Variants in YEATS2 observed in about 807,000 individuals in gnomAD.
YEATS2 encodes the protein YEATS domain containing 2.
Under a neutral mutation model 163.2 loss-of-function variants are expected in YEATS2, and 77 were observed. The ratio of observed to expected loss-of-function variants is 0.47; its 90% CI spans 0.39 to 0.57. The LOEUF (loss-of-function observed/expected upper bound fraction) is 0.57, where lower values mean the gene tolerates loss of function less well. Among genes scored for constraint, YEATS2 ranks in the 20% least tolerant of loss-of-function variants. The pLI is 0.00. For missense variants in YEATS2, 1,549 were observed against 1,729.8 expected (o/e 0.90, Z 1.85); for synonymous variants, 631 against 645.1 (o/e 0.98, Z 0.33).
At chr3:183,753,457 A>G (rs1469548116) in intron 10 of YEATS2, among the ~76,000 whole-genome samples, 5 of 152,232 alleles carry the variant, frequency 3.3e-5, no homozygotes, top group African/African-American at 4.8e-5. Flanking sequence ...TTAATAAGAT[A>G]CAAGAGGGGC....
At chr3:183,765,162 T>A (rs776119311) in intron 15 of YEATS2, among the ~76,000 whole-genome samples, 12 of 152,168 alleles carry the variant, frequency 7.9e-5, no homozygotes, top group African/African-American at 1.2e-4. Context: ...CCAAAATCCC[T>A]TAGTAAATCA....
At chr3:183,741,893 T>C (rs958013338) in intron 8 of YEATS2, among the ~76,000 whole-genome samples, 2 of 151,944 alleles carry the variant, frequency 1.3e-5, no homozygotes, top group African/African-American at 2.4e-5. Flanking sequence ...AATTTCAACA[T>C]TCAAGTCTTA....
At chr3:183,809,263 C>T (rs1726550059) in intron 30 of YEATS2, 93 bp downstream of exon 30, 1 of 1,286,598 alleles carries the variant, frequency 7.8e-7, no homozygotes, top group African/African-American at 1.5e-5. Context: ...TACATCAATC[C>T]AGTAGGAGAT....
intron 9 of YEATS2, among the ~76,000 whole-genome samples, chr3:183,750,321 G>A (rs1388881935): frequency 6.6e-6 from 1 of 152,148 alleles, no homozygotes; most frequent in Non-Finnish European, 1.5e-5. Flanking sequence ...TTGTTTATCC[G>A]TTCACCTGCT....
intron 4 of YEATS2, among the ~76,000 whole-genome samples, chr3:183,721,036 ATTGTT>A (rs1716438516): frequency 2.6e-5 from 4 of 152,154 alleles, no homozygotes; most frequent in African/African-American, 9.7e-5. Context: ...CTGTCTTTGA[ATTGTT>A]AGCAGTTCTG....
chr3:183,759,584 T>C (rs1253863265), intron 13 of YEATS2, among the ~76,000 whole-genome samples: 1 of 152,192 alleles, frequency 6.6e-6, no homozygotes, highest in Admixed American at 6.5e-5. Flanking sequence ...TTTAAAAATA[T>C]AAAAACATTC....
chr3:183,714,359 C>CTT (rs201822288), intron 1 of YEATS2, among the ~76,000 whole-genome samples: 2 of 147,106 alleles, frequency 1.4e-5, no homozygotes, highest in Non-Finnish European at 3.0e-5. Context: ...CCATGCCCGT[C>CTT]TTTTTTTTTT....
intron 7 of YEATS2, 123 bp downstream of exon 7, chr3:183,728,974 G>A: frequency 8.6e-7 from 1 of 1,161,178 alleles, no homozygotes; most frequent in South Asian, 1.5e-5. Flanking sequence ...TTGGCTCTTA[G>A]TCAAAATGTA....
chr3:183,716,324 A>C (rs934894936), intron 2 of YEATS2, among the ~76,000 whole-genome samples: 1 of 152,204 alleles, frequency 6.6e-6, no homozygotes, highest in African/African-American at 2.4e-5. Context: ...TAAATAATCT[A>C]CCTAAGTTAA....
chr3:183,783,032 CAA>C (rs1266796543), intron 19 of YEATS2, among the ~76,000 whole-genome samples: 2 of 152,192 alleles, frequency 1.3e-5, no homozygotes, highest in Non-Finnish European at 2.9e-5. Flanking sequence ...GTTGTGAGTG[CAA>C]AGTCATATCT....
In YEATS2 at chr3:183,804,109, C is replaced by T. The variant is rs765119490; in HGVS notation, c.3705C>T (p.Tyr1235=). 6 of 1,614,072 alleles carry T rather than the reference C, an allele frequency of 3.7e-6. No individual in the cohort carries two copies. The highest frequency in any genetic ancestry group is 4.2e-6 in the Non-Finnish European group (5 of 1,180,018). ...HIAHWCRCHG[Y]TPPDPESLRN... Reference sequence around the variant, plus strand: ...CTCACTGGTGCCGCTGTCATGGCTACACCCCACCGGACCCTGAGAGCCTGA... The same window carrying T: ...CTCACTGGTGCCGCTGTCATGGCTATACCCCACCGGACCCTGAGAGCCTGA... Residue 1235 remains tyrosine, a synonymous_variant, in exon 27 of 31, where the codon TAC becomes TAT. Coordinates refer to ENST00000305135, the MANE Select transcript of YEATS2 (RefSeq NM_018023.5).
chr3:183,743,119 A>G (rs556221921), intron 8 of YEATS2, among the ~76,000 whole-genome samples: 15 of 152,334 alleles, frequency 9.8e-5, no homozygotes, highest in African/African-American at 3.1e-4. Flanking sequence ...TATTCACTTC[A>G]TTGCAGTAGT....
chr3:183,806,881 T>G lies in YEATS2; in HGVS notation c.3800T>G (p.Phe1267Cys), dbSNP rs985333358. 1.9e-6 allele frequency: 3 copies of G among 1,613,638 alleles called. No individual in the cohort carries two copies. In the African/African-American group the frequency reaches 4.0e-5, roughly 22 times the overall value. Reference protein sequence around the residue: ...IDSEPECPSSFSSADNLCRKL... With the variant: ...IDSEPECPSSCSSADNLCRKL... Reference sequence around the variant, plus strand: ...TGTCATTTAGAGTGCCCATCATCATTCTCCTCTGCTGACAACCTCTGCCGC... The same window carrying G: ...TGTCATTTAGAGTGCCCATCATCATGCTCCTCTGCTGACAACCTCTGCCGC... The change falls in exon 28 of 31, where the codon TTC becomes TGC. Residue 1267 changes from phenylalanine (F) to cysteine (C), a missense_variant. By Grantham distance (205) the Phe-to-Cys change is radical. Transcript: ENST00000305135.
intron 18 of YEATS2, 64 bp from the exon 19 acceptor site, chr3:183,777,478 T>A: frequency 6.5e-7 from 1 of 1,547,382 alleles, no homozygotes; most frequent in Non-Finnish European, 8.8e-7. Context: ...ATTTAAGGGA[T>A]CAGAACAGCC....
chr3:183,791,222 A>G (rs145751402), intron 21 of YEATS2, among the ~76,000 whole-genome samples: 4 of 152,116 alleles, frequency 2.6e-5, no homozygotes, highest in Non-Finnish European at 5.9e-5. Context: ...TTTGGTAGAG[A>G]TGGGGTTTCA....
At chr3:183,724,584 G>C (rs1560237120) in intron 6 of YEATS2, 53 bp downstream of exon 6, 1 of 1,330,326 alleles carries the variant, frequency 7.5e-7, no homozygotes, top group Non-Finnish European at 1.1e-6. Context: ...TAATATTTTG[G>C]CATTAATACT....
intron 21 of YEATS2, among the ~76,000 whole-genome samples, chr3:183,797,702 C>T (rs1448239213): frequency 2.6e-5 from 4 of 152,122 alleles, no homozygotes; most frequent in African/African-American, 9.7e-5. Flanking sequence ...GGCGACAGAG[C>T]GAGACTCCAT....
intron 19 of YEATS2, among the ~76,000 whole-genome samples, chr3:183,784,248 T>C (rs1218968853): frequency 6.6e-6 from 1 of 152,188 alleles, no homozygotes; most frequent in East Asian, 1.9e-4. Flanking sequence ...CTAACTTACA[T>C]TCCCACCCAC....
chr3:183,762,883 C>G (rs1222519030), intron 15 of YEATS2, among the ~76,000 whole-genome samples: 2 of 151,938 alleles, frequency 1.3e-5, no homozygotes, highest in Non-Finnish European at 2.9e-5. Context: ...GAAACCCCAT[C>G]TCTACTAAAA....
Sources: allele counts gnomAD v4.1 joint callset (sites outside exome capture counted in the v4.1 genomes callset), GRCh38; gene constraint gnomAD v4.1.1; transcripts MANE v1.5; gene names NCBI Gene and HGNC (gene_info 2026-07-23, HGNC 2026-07-21).